The following DSCAM variants were observed in gnomAD, a reference collection of about 807,000 sequenced individuals.
The protein encoded by DSCAM is DS cell adhesion molecule, also known as cell adhesion molecule DSCAM.
DSCAM carries 47 observed loss-of-function variants against 217.7 expected under a neutral mutation model. That is an observed-to-expected ratio of 0.22 (90% CI 0.17 to 0.28). The LOEUF is 0.28. Among genes scored for constraint, DSCAM ranks in the 10% least tolerant of loss-of-function variants. DSCAM has a pLI of 1.00. For synonymous variants in DSCAM, 1,056 were observed against 1,015.3 expected (o/e 1.04, Z -0.76); for missense variants, 2,080 against 2,618.3 (o/e 0.79, Z 4.49).
chr21:40,165,409 T>G (rs1204647085), intron 16 of DSCAM, among the ~76,000 whole-genome samples: 1 of 152,226 alleles, frequency 6.6e-6, no homozygotes, highest in Non-Finnish European at 1.5e-5. Flanking sequence ...CCGGCAAGTC[T>G]GCCTGCTGAC....
chr21:40,830,399 C>T (rs964212321), intron 1 of DSCAM, among the ~76,000 whole-genome samples: 2 of 152,210 alleles, frequency 1.3e-5, no homozygotes, highest in African/African-American at 4.8e-5. Context: ...ATCCAAACGT[C>T]TCCCACCAGG....
At chr21:40,416,589 G>A (rs1412322788) in intron 3 of DSCAM, among the ~76,000 whole-genome samples, 4 of 152,102 alleles carry the variant, frequency 2.6e-5, no homozygotes, top group Non-Finnish European at 5.9e-5. Context: ...AATGAAAAAT[G>A]ACAGGTTTGT....
chr21:40,473,718 G>C (rs1257757412), intron 3 of DSCAM, among the ~76,000 whole-genome samples: 1 of 152,136 alleles, frequency 6.6e-6, no homozygotes, highest in South Asian at 2.1e-4. Context: ...ACAAAGGGGT[G>C]ATTAAGGTAA....
At chr21:40,811,222 C>T (rs1267583813) in intron 1 of DSCAM, among the ~76,000 whole-genome samples, 1 of 152,150 alleles carries the variant, frequency 6.6e-6, no homozygotes, top group African/African-American at 2.4e-5. Flanking sequence ...GAGCAAGAAA[C>T]AGAGCCTCCA....
chr21:40,145,145 G>T (rs1377598368), intron 16 of DSCAM, among the ~76,000 whole-genome samples: 1 of 152,196 alleles, frequency 6.6e-6, no homozygotes, highest in Admixed American at 6.5e-5. Context: ...GTACGCTTAC[G>T]ACCGGGTGAG....
chr21:40,263,980 C>T (rs1174590451), intron 11 of DSCAM, among the ~76,000 whole-genome samples: 2 of 152,102 alleles, frequency 1.3e-5, no homozygotes, highest in Admixed American at 1.3e-4. Flanking sequence ...TGGAAACATA[C>T]AACCCCATAG....
intron 3 of DSCAM, among the ~76,000 whole-genome samples, chr21:40,636,224 G>A (rs2089756314): frequency 6.6e-6 from 1 of 152,016 alleles, no homozygotes; most frequent in South Asian, 2.1e-4. Context: ...TGCATAAGAT[G>A]CACGTGGTTC....
At chr21:40,465,304 A>G (rs1320473537) in intron 3 of DSCAM, among the ~76,000 whole-genome samples, 1 of 152,074 alleles carries the variant, frequency 6.6e-6, no homozygotes, top group Non-Finnish European at 1.5e-5. Context: ...CTCTCTCCCC[A>G]CAATGCTGTT....
chr21:40,492,049 T>C (rs1481778699), intron 3 of DSCAM, among the ~76,000 whole-genome samples: 5 of 152,190 alleles, frequency 3.3e-5, no homozygotes, highest in Admixed American at 3.3e-4. Flanking sequence ...TTCACTCAAA[T>C]ATCTAAGACA....
intron 3 of DSCAM, among the ~76,000 whole-genome samples, chr21:40,480,573 C>T (rs73902645): frequency 0.015 from 2,325 of 152,326 alleles, 74 homozygotes; most frequent in African/African-American, 0.052. Context: ...TTATCTCTCA[C>T]GTACATTCTG....
rs372130512 is a variant in DSCAM at position 40,080,133 on chromosome 21, G to A, written c.4420+19C>T. 54 of 1,522,384 alleles carry A rather than the reference G, an allele frequency of 3.5e-5. 4 individuals carry two copies. Among genetic ancestry groups the A allele is most frequent in the Non-Finnish European group, 4.4e-5 (49 of 1,118,660 alleles). 94.3% of individuals were successfully genotyped at this position (1,522,384 alleles called of 1,614,324 possible). On this transcript the variant is annotated intron_variant, in intron 25 of 32. Transcript: ENST00000400454. The stretch of plus-strand genomic sequence containing the variant: ...GGGAAAAGAAAGGATATTAAGAAGC[G>A]ATGAGAAGGCATACCTACCTTTTCC...
At chr21:40,539,706 A>T (rs2076528769) in intron 3 of DSCAM, among the ~76,000 whole-genome samples, 1 of 152,154 alleles carries the variant, frequency 6.6e-6, no homozygotes. Context: ...TGTTTCTTAT[A>T]AGATGAGAAG....
At chr21:40,749,897 C>G (rs1462437443) in intron 1 of DSCAM, among the ~76,000 whole-genome samples, 1 of 151,854 alleles carries the variant, frequency 6.6e-6, no homozygotes, top group Non-Finnish European at 1.5e-5. Context: ...TCCCACGTAG[C>G]CTCTCCCCTC....
At chr21:40,513,727 G>A (rs553264647) in intron 3 of DSCAM, among the ~76,000 whole-genome samples, 2 of 152,066 alleles carry the variant, frequency 1.3e-5, no homozygotes, top group South Asian at 4.2e-4. Flanking sequence ...CAACATTAGG[G>A]GCCAAATTTC....
rs990063120 is a variant in DSCAM, at chr21:40,213,904, G to A, written c.2357-24666C>T. 1.6e-4 allele frequency among the ~76,000 whole-genome samples: 24 copies of A among 152,282 alleles called. 1 individual carries two copies. The highest frequency in any genetic ancestry group is 1.5e-3 in the South Asian group (7 of 4,812). The stretch of plus-strand genomic sequence containing the variant: ...AACCCCTGGGTCCCTCATCCTTTCC[G>A]CATCTTCTGCTGTGTTTGGTATCCA... On this transcript the variant is annotated intron_variant, in intron 11 of 32. Transcript: ENST00000400454.
chr21:40,708,446 G>A lies in DSCAM; in HGVS notation c.361+8C>T, dbSNP rs2090740973. 3 of 1,491,018 alleles carry A rather than the reference G, an allele frequency of 2.0e-6. No homozygotes were observed. The highest frequency in any genetic ancestry group is 2.3e-5 in the Admixed American group (1 of 43,706). 92.4% of individuals were successfully genotyped at this position (1,491,018 alleles called of 1,614,324 possible). On this transcript the variant is annotated splice_region_variant and intron_variant, in intron 2 of 32. Coordinates refer to ENST00000400454, the MANE Select transcript of DSCAM (RefSeq NM_001389.5). ...CACAGAAAAAACAAAGCCCAGAGCT[G>A]TACTCACCAGCCTTGATGTGGACAT...
At chr21:40,829,347 C>T (rs925772653) in intron 1 of DSCAM, among the ~76,000 whole-genome samples, 2 of 152,160 alleles carry the variant, frequency 1.3e-5, no homozygotes, top group African/African-American at 4.8e-5. Flanking sequence ...AGTCTTCCCA[C>T]AGACACAGAA....
intron 1 of DSCAM, 31 bp from the exon 2 acceptor site, chr21:40,708,802 T>C: frequency 4.2e-6 from 6 of 1,414,082 alleles, no homozygotes; most frequent in Non-Finnish European, 5.6e-6. Context: ...GATCCATAGG[T>C]GAGTAAAACA....
At chr21:40,413,678 A>C (rs774695655) in intron 3 of DSCAM, among the ~76,000 whole-genome samples, 2 of 152,248 alleles carry the variant, frequency 1.3e-5, no homozygotes, top group Admixed American at 6.5e-5. Context: ...GAACAAAGTG[A>C]AAGGATTTAG....
Sources: gnomAD v4.1 joint callset for allele counts (sites outside exome capture counted in the v4.1 genomes callset) on GRCh38, gnomAD v4.1.1 for gene constraint, MANE v1.5 for transcripts, NCBI Gene and HGNC (gene_info 2026-07-23, HGNC 2026-07-21) for gene names.